The following TRIM3 variants were observed in gnomAD, a reference collection of about 807,000 sequenced individuals.
The protein encoded by TRIM3 is tripartite motif containing 3.
Under a neutral mutation model 66.6 loss-of-function variants are expected in TRIM3, and 13 were observed. That is an observed-to-expected ratio of 0.20 (90% confidence interval 0.13 to 0.31). The LOEUF (loss-of-function observed/expected upper bound fraction) is 0.31. Among genes scored for constraint, TRIM3 ranks in the 10% least tolerant of loss-of-function variants. The pLI is 1.00. For missense variants in TRIM3, 711 were observed against 1,020.4 expected (o/e 0.70, Z 4.13); for synonymous variants, 406 against 411.7 (o/e 0.99, Z 0.17).
chr11:6,458,453 T>C lies in TRIM3; in HGVS notation c.132-157A>G. 1.6e-6 allele frequency: 1 copy of C among 641,878 alleles called. No individual in the cohort carries two copies. Among genetic ancestry groups the C allele is most frequent in the African/African-American group, 1.8e-5 (1 of 54,762 alleles). The allele number at this position is 641,878 out of a possible 1,614,324, so 39.8% of individuals were successfully genotyped here. A position where few individuals can be genotyped will look rare whatever the true frequency, so the allele number is the denominator to read the frequency against. On this transcript the variant is annotated intron_variant, in intron 2 of 11. Coordinates refer to ENST00000345851, the MANE Select transcript of TRIM3 (RefSeq NM_033278.4). The surrounding 1 kb of genome is among the most constrained non-coding windows in gnomAD (Gnocchi z 6.2). ...TTGACACATCTCATCTGCCAGCAGG[T>C]ATAATGGCCTTGCCCCTTACAACTG... is the stretch of plus-strand genomic sequence containing the variant.
intron 1 of TRIM3, among the ~76,000 whole-genome samples, chr11:6,468,645 T>G (rs188201710): frequency 2.5e-4 from 38 of 151,798 alleles, no homozygotes; most frequent in Admixed American, 2.6e-4. Context: ...TTGGCTGTGG[T>G]GGGGTGGCAG....
intron 7 of TRIM3, among the ~76,000 whole-genome samples, chr11:6,454,947 T>G (rs1849901850): frequency 2.6e-5 from 4 of 152,078 alleles, no homozygotes; most frequent in Admixed American, 2.6e-4. Context: ...TTCGAAGAAG[T>G]AAAGTGCATG....
At chr11:6,472,816 T>C (rs1564978568) in intron 1 of TRIM3, among the ~76,000 whole-genome samples, 1 of 152,240 alleles carries the variant, frequency 6.6e-6, no homozygotes, top group East Asian at 1.9e-4. Context: ...GCTCTGTCAC[T>C]GGAGGCATAC....
At position 6,458,018 on chromosome 11, in the gene TRIM3, T is replaced by G; in HGVS notation, c.363+47A>C. 2 of 1,561,728 alleles carry G rather than the reference T, an allele frequency of 1.3e-6. No individual in the cohort carries two copies. The highest frequency in any genetic ancestry group is 3.5e-4 in the Middle Eastern group (2 of 5,722). On this transcript the variant is annotated intron_variant, in intron 3 of 11. Transcript: ENST00000345851. The surrounding 1 kb of genome is among the most constrained non-coding windows in gnomAD (Gnocchi z 6.2). ...CGGCACCCCCCAATGCCTCTCCTCC[T>G]CCTCCCACCCCAAGTCCCGGCCTCA...
Position 6,457,172 on chromosome 11 carries a change from G to A in TRIM3, c.696+124C>T. The A allele has an allele frequency of 6.6e-7, 1 of 1,515,328 alleles. No homozygotes were observed. The highest frequency in any genetic ancestry group is 1.2e-5 in the South Asian group (1 of 80,026). 93.9% of individuals were successfully genotyped at this position (1,515,328 alleles called of 1,614,324 possible). On this transcript the variant is annotated intron_variant, in intron 5 of 11. Transcript: ENST00000345851. The surrounding 1 kb of genome is among the most constrained non-coding windows in gnomAD (Gnocchi z 4.5). ...CAGATGCCCACAGCACCTACCGAGG[G>A]CATGTCAGGAGGCAGAATATCTAGG... is the stretch of plus-strand genomic sequence containing the variant.
chr11:6,459,201 A>G (rs1032219899), intron 2 of TRIM3, among the ~76,000 whole-genome samples: 2 of 152,224 alleles, frequency 1.3e-5, no homozygotes, highest in Non-Finnish European at 2.9e-5. Context: ...TACAGAAGGC[A>G]GCAAGAAGCA....
In TRIM3 at chr11:6,457,856, C is replaced by G; in HGVS notation, c.364-9G>C. On this transcript the variant is annotated splice_polypyrimidine_tract_variant and intron_variant, in intron 3 of 11. Coordinates refer to ENST00000345851, the MANE Select transcript of TRIM3 (RefSeq NM_033278.4). This position sits in a 1 kb window ranked among gnomAD's most constrained non-coding sequence, Gnocchi z 4.5. Reference sequence around the variant, plus strand: ...CAGTAAAACTCCATCGTCTGCGGTACAAGGACTCCAGTCGGGTAATGGCTA... The same window carrying G: ...CAGTAAAACTCCATCGTCTGCGGTAGAAGGACTCCAGTCGGGTAATGGCTA... 1 of 1,614,134 alleles carries G rather than the reference C, an allele frequency of 6.2e-7. No homozygotes were observed. Among genetic ancestry groups the G allele is most frequent in the Non-Finnish European group, 8.5e-7 (1 of 1,179,960 alleles).
intron 7 of TRIM3, among the ~76,000 whole-genome samples, chr11:6,455,609 AC>A (rs1849927266): frequency 6.6e-6 from 1 of 152,008 alleles, no homozygotes; most frequent in Admixed American, 6.6e-5. Context: ...TGGCCAAGAT[AC>A]CCCTATGCAA....
At position 6,465,722 on chromosome 11, in the gene TRIM3, C is replaced by T; in HGVS notation, c.-27G>A. The T allele has an allele frequency of 6.2e-7, 1 of 1,613,376 alleles. No homozygotes were observed. Among genetic ancestry groups the T allele is most frequent in the Non-Finnish European group, 8.5e-7 (1 of 1,179,718 alleles). ...GCGCCCACAGATGGCTCCCGCCACT[C>T]ACACCAGCCTCTGTATGGAGAGATG... On this transcript the variant is annotated 5_prime_UTR_variant, in exon 2 of 12. Coordinates refer to ENST00000345851, the MANE Select transcript of TRIM3 (RefSeq NM_033278.4).
chr11:6,462,211 A>T lies in TRIM3; in HGVS notation c.131+3354T>A, dbSNP rs75729314. On this transcript the variant is annotated intron_variant, in intron 2 of 11. Coordinates refer to ENST00000345851, the MANE Select transcript of TRIM3 (RefSeq NM_033278.4). The stretch of plus-strand genomic sequence containing the variant: ...TACTTCTCTCTGTTTATATCCTGTA[A>T]AACATTAATACAAGCTGCAGCTCTC... Among the ~76,000 whole-genome samples the T allele has an allele frequency of 2.9e-3, 418 of 143,452 alleles. 2 individuals carry two copies. The highest frequency in any genetic ancestry group is 9.8e-3 in the African/African-American group (374 of 38,314). 94.1% of individuals were successfully genotyped at this position (143,452 alleles called of 152,430 possible).
Position 6,466,593 on chromosome 11 carries a change from G to GTTT in TRIM3, c.-37-864_-37-862dup, listed in dbSNP as rs77979367. Among the ~76,000 whole-genome samples the GTTT allele has an allele frequency of 3.2e-3, 451 of 139,952 alleles. 1 individual carries two copies. The highest frequency in any genetic ancestry group is 5.1e-3 in the African/African-American group (194 of 37,744). The allele number at this position is 139,952 out of a possible 152,430, so 91.8% of individuals were successfully genotyped here. A position where few individuals can be genotyped will look rare whatever the true frequency, so the allele number is the denominator to read the frequency against. The stretch of plus-strand genomic sequence containing the variant: ...GTCTATGATCAATCATTCCTGCTGG[G>GTTT]TTTTTTTTTTTTTTTTCCAGTTCCT... On this transcript the variant is annotated intron_variant, in intron 1 of 11. Coordinates refer to ENST00000345851, the MANE Select transcript of TRIM3 (RefSeq NM_033278.4).
At position 6,458,089 on chromosome 11, in the gene TRIM3, G is replaced by C. The variant is rs762692979; in HGVS notation, c.339C>G (p.Leu113=). 2.5e-6 allele frequency: 4 copies of C among 1,610,160 alleles called. No homozygotes were observed. The African/African-American group carries it at 5.3e-5, about 21-fold the overall frequency. ...HPLSVVAGRP[L]SCPNHEGKTM... Reference sequence around the variant, plus strand: ...CCTTGCCTTCATGGTTGGGGCAGGAGAGAGGGCGGCCAGCCACTACACTGA... The same window carrying C: ...CCTTGCCTTCATGGTTGGGGCAGGACAGAGGGCGGCCAGCCACTACACTGA... The change falls in exon 3 of 12, where the codon CTC becomes CTG. Residue 113 remains leucine (L), a synonymous_variant. Transcript: ENST00000345851. The surrounding 1 kb of genome is among the most constrained non-coding windows in gnomAD (Gnocchi z 6.2).
rs780085513 is a variant in TRIM3, at chr11:6,456,336, T to C, written c.1390A>G (p.Lys464Glu). 6.5e-7 allele frequency: 1 copy of C among 1,542,902 alleles called. No individual in the cohort carries two copies. Among genetic ancestry groups the C allele is most frequent in the Non-Finnish European group, 8.8e-7 (1 of 1,141,130 alleles). ...SSMYSTGGKRKDNPIEDELVF... is the reference protein window; with the variant it reads ...SSMYSTGGKREDNPIEDELVF... ...AGCTCATCCTCAATTGGGTTGTCCT[T>C]TCGTTTGCCGCCTGTGCTGTACATG... Residue 464 changes from lysine to glutamate, a missense_variant, in exon 6 of 12, where the codon AAG becomes GAG. Physicochemically the swap from Lys to Glu is moderately conservative, Grantham distance 56. Coordinates refer to ENST00000345851, the MANE Select transcript of TRIM3 (RefSeq NM_033278.4). The surrounding 1 kb of genome is among the most constrained non-coding windows in gnomAD (Gnocchi z 6.4).
intron 1 of TRIM3, among the ~76,000 whole-genome samples, chr11:6,467,440 G>A (rs1406011594): frequency 6.6e-6 from 1 of 152,174 alleles, no homozygotes; most frequent in Non-Finnish European, 1.5e-5. Context: ...AGGTAGAGAT[G>A]AGATCATGAA....
Position 6,456,684 on chromosome 11 carries a change from T to C in TRIM3, c.1042A>G (p.Lys348Glu). The C allele has an allele frequency of 6.2e-7, 1 of 1,606,252 alleles. No individual in the cohort carries two copies. Among genetic ancestry groups the C allele is most frequent in the Non-Finnish European group, 8.5e-7 (1 of 1,176,072 alleles). Residue 348 changes from lysine to glutamate, a missense_variant, in exon 6 of 12, where the codon AAA (lysine) becomes GAA (glutamate). By Grantham distance (56) the Lys-to-Glu change is moderately conservative (BLOSUM62 1). Transcript: ENST00000345851. This position sits in a 1 kb window ranked among gnomAD's most constrained non-coding sequence, Gnocchi z 6.4. Reference protein sequence around the residue: ...GQPASLTVTTKDKDGRLVRTG... With the variant: ...GQPASLTVTTEDKDGRLVRTG... The stretch of plus-strand genomic sequence containing the variant: ...CGCACCAACCGCCCGTCCTTGTCTT[T>C]GGTAGTGACAGTGAGCGAGGCAGGC...
At chr11:6,467,889 G>C (rs1367852219) in intron 1 of TRIM3, among the ~76,000 whole-genome samples, 1 of 152,242 alleles carries the variant, frequency 6.6e-6, no homozygotes, top group Non-Finnish European at 1.5e-5. Flanking sequence ...AGAGAAGCCA[G>C]AGTGGAATCA....
At chr11:6,465,886 T>A (rs572282806) in intron 1 of TRIM3, among the ~76,000 whole-genome samples, 154 bp from the exon 2 acceptor site, 3 of 152,332 alleles carry the variant, frequency 2.0e-5, no homozygotes, top group South Asian at 2.1e-4. Flanking sequence ...TGATGTGACC[T>A]CTGAGCCTGG....
chr11:6,461,891 T>C (rs967065309), intron 2 of TRIM3, among the ~76,000 whole-genome samples: 2 of 152,198 alleles, frequency 1.3e-5, no homozygotes, highest in Admixed American at 6.5e-5. Context: ...TGGTTTCCCA[T>C]TGCACTTAAA....
chr11:6,456,284 C>T lies in TRIM3; in HGVS notation c.1429+13G>A. ...AGCCTGGCCCATCTGGCTCTGCCCT[C>T]GGCTGTCTGTACCAACACGGAAGAC... On this transcript the variant is annotated intron_variant, in intron 6 of 11. Transcript: ENST00000345851. This position sits in a 1 kb window ranked among gnomAD's most constrained non-coding sequence, Gnocchi z 6.4. 4 of 1,575,076 alleles carry T rather than the reference C, an allele frequency of 2.5e-6. No individual in the cohort carries two copies. The highest frequency in any genetic ancestry group is 2.4e-5 in the South Asian group (2 of 84,032).
Sources: allele counts gnomAD v4.1 joint callset (sites outside exome capture counted in the v4.1 genomes callset), GRCh38; gene constraint gnomAD v4.1.1; non-coding constraint Gnocchi (gnomAD v3.1); transcripts MANE v1.5; gene names NCBI Gene and HGNC (gene_info 2026-07-23, HGNC 2026-07-21).